DRC8: variants seen among roughly 807,000 people sequenced by gnomAD.
DRC8 encodes dynein regulatory complex subunit 8.
the DRC8 span, among the ~76,000 whole-genome samples, chr1:245,071,068 G>A: frequency 1.8e-3 from 269 of 152,314 alleles, no homozygotes; most frequent in African/African-American, 6.2e-3. Flanking sequence ...CTCCATAACT[G>A]CAAGCTGTTA....
the DRC8 span, among the ~76,000 whole-genome samples, chr1:245,045,830 C>T: frequency 2.0e-5 from 3 of 152,256 alleles, no homozygotes; most frequent in Admixed American, 2.0e-4. Flanking sequence ...AAGATGCAAA[C>T]GAAGACTCAA....
chr1:245,064,379 A>G, the DRC8 span, among the ~76,000 whole-genome samples: 1 of 152,236 alleles, frequency 6.6e-6, no homozygotes, highest in African/African-American at 2.4e-5. Context: ...AGAGGATACC[A>G]TGGCAGGGAG....
chr1:244,995,182 G>A, the DRC8 span, among the ~76,000 whole-genome samples: 2 of 151,970 alleles, frequency 1.3e-5, no homozygotes, highest in Non-Finnish European at 2.9e-5. Context: ...CCAACATGGC[G>A]AAACCCCGTC....
At chr1:245,081,318 T>C in the DRC8 span, among the ~76,000 whole-genome samples, 3 of 151,134 alleles carry the variant, frequency 2.0e-5, no homozygotes, top group African/African-American at 2.4e-5. Context: ...CCCACCACCA[T>C]GCCTGGCTAA....
At chr1:245,053,409 A>G in the DRC8 span, among the ~76,000 whole-genome samples, 1 of 152,212 alleles carries the variant, frequency 6.6e-6, no homozygotes, top group African/African-American at 2.4e-5. Context: ...TGTCGTCTGC[A>G]CCAGGCTCAG....
the DRC8 span, among the ~76,000 whole-genome samples, chr1:244,990,305 CTATTT>C: frequency 1.3e-5 from 2 of 152,138 alleles, no homozygotes; most frequent in African/African-American, 4.8e-5. Flanking sequence ...TATGATTATT[CTATTT>C]TATTATTGGT....
chr1:244,985,900 CA>C, the DRC8 span, among the ~76,000 whole-genome samples: 2 of 151,218 alleles, frequency 1.3e-5, no homozygotes, highest in African/African-American at 2.4e-5. Context: ...ATAAGCAGTT[CA>C]AAAAAGTTCA....
the DRC8 span, among the ~76,000 whole-genome samples, chr1:245,065,731 A>G: frequency 6.6e-6 from 1 of 151,888 alleles, no homozygotes. Flanking sequence ...ATCACTGGGT[A>G]ATCTGGGAAT....
the DRC8 span, among the ~76,000 whole-genome samples, chr1:245,090,255 G>T: frequency 1.6e-4 from 25 of 152,194 alleles, no homozygotes; most frequent in Non-Finnish European, 2.9e-4. Flanking sequence ...CAGATGGGAG[G>T]GGGTGAGAGG....
At chr1:245,022,783 A>G in the DRC8 span, among the ~76,000 whole-genome samples, 2 of 152,120 alleles carry the variant, frequency 1.3e-5, no homozygotes, top group Non-Finnish European at 2.9e-5. Flanking sequence ...CCTAAAATTT[A>G]TCATTTTAAG....
chr1:245,109,803 C>T, the DRC8 span, among the ~76,000 whole-genome samples: 1 of 152,186 alleles, frequency 6.6e-6, no homozygotes, highest in Non-Finnish European at 1.5e-5. Context: ...AAAGCCTGTG[C>T]GAGGCACTAA....
chr1:245,087,531 G>T, the DRC8 span: 1 of 1,336,978 alleles, frequency 7.5e-7, no homozygotes, highest in Non-Finnish European at 9.5e-7. Context: ...ACCAAATTTA[G>T]TATGTCTAGC....
the DRC8 span, among the ~76,000 whole-genome samples, chr1:245,045,925 T>A: frequency 6.6e-6 from 1 of 152,200 alleles, no homozygotes; most frequent in Admixed American, 6.5e-5. Flanking sequence ...GGGAGTAGCC[T>A]CTGGTCCTTT....
chr1:245,055,345 G>T, the DRC8 span, among the ~76,000 whole-genome samples: 1 of 151,754 alleles, frequency 6.6e-6, no homozygotes, highest in Non-Finnish European at 1.5e-5. Context: ...TTAGAGACAC[G>T]ATCTCACTCT....
the DRC8 span, among the ~76,000 whole-genome samples, chr1:245,075,009 A>T: frequency 3.9e-5 from 6 of 152,214 alleles, no homozygotes; most frequent in Non-Finnish European, 4.4e-5. Flanking sequence ...CAGATGCTTT[A>T]TAAACCATCT....
At chr1:245,080,214 A>G in the DRC8 span, among the ~76,000 whole-genome samples, 1 of 152,168 alleles carries the variant, frequency 6.6e-6, no homozygotes, top group South Asian at 2.1e-4. Context: ...TGAGCCTTTT[A>G]ATAGGAGTCT....
chr1:245,048,986 C>CTT, the DRC8 span, among the ~76,000 whole-genome samples: 1 of 137,874 alleles, frequency 7.3e-6, no homozygotes, highest in African/African-American at 2.7e-5. Flanking sequence ...TTTTTCTTTT[C>CTT]TTTTTTTTTT....
the DRC8 span, among the ~76,000 whole-genome samples, chr1:245,025,999 C>G: frequency 6.6e-6 from 1 of 152,178 alleles, no homozygotes; most frequent in African/African-American, 2.4e-5. Flanking sequence ...GGTATTTCTT[C>G]ATAGCAGTAT....
the DRC8 span, among the ~76,000 whole-genome samples, chr1:245,119,945 A>ATAAT: frequency 0.54 from 58,480 of 107,478 alleles, 11,491 homozygotes; most frequent in Admixed American, 0.62. Flanking sequence ...AAAAAAATAA[A>ATAAT]AAATAAGTAA....
Sources: gnomAD v4.1 joint callset for allele counts (sites outside exome capture counted in the v4.1 genomes callset) on GRCh38, gnomAD v4.1.1 for gene constraint, MANE v1.5 for transcripts, NCBI Gene and HGNC (gene_info 2026-07-23, HGNC 2026-07-21) for gene names.